PATJ: variants seen among roughly 807,000 people sequenced by gnomAD.
PATJ encodes PATJ crumbs cell polarity complex component, also known as inaD-like protein.
In PATJ, 190 loss-of-function variants were observed where a neutral mutation model predicts 224.9. That is an observed-to-expected ratio of 0.84 (90% CI 0.75 to 0.95). The LOEUF (loss-of-function observed/expected upper bound fraction) is 0.95, where lower values mean the gene tolerates loss of function less well. Among genes scored for constraint, PATJ ranks in the 40% least tolerant of loss-of-function variants. The probability of loss-of-function intolerance (pLI) is 0.00; values close to 1 mark genes in which losing one functional copy is unlikely to be tolerated. For synonymous variants in PATJ, 769 were observed against 820.3 expected (o/e 0.94, Z 1.07); for missense variants, 2,121 against 2,270.3 (o/e 0.93, Z 1.34).
chr1:61,998,254 T>A (rs1393693083), intron 28 of PATJ, among the ~76,000 whole-genome samples: 3 of 151,224 alleles, frequency 2.0e-5, no homozygotes, highest in Non-Finnish European at 2.9e-5. Context: ...TAATTTTTTT[T>A]TGTATTTTTA....
chr1:61,756,134 C>G (rs1267975795), intron 1 of PATJ, among the ~76,000 whole-genome samples: 1 of 152,174 alleles, frequency 6.6e-6, no homozygotes, highest in East Asian at 1.9e-4. Flanking sequence ...TTTACTCTGC[C>G]ATATTGCAGG....
intron 26 of PATJ, among the ~76,000 whole-genome samples, chr1:61,924,828 C>G (rs956957135): frequency 6.6e-6 from 1 of 152,140 alleles, no homozygotes; most frequent in Non-Finnish European, 1.5e-5. Context: ...AGCCATATGT[C>G]AAATGTAGAC....
chr1:61,908,220 A>G, intron 24 of PATJ, 152 bp from the exon 25 acceptor site: 1 of 579,584 alleles, frequency 1.7e-6, no homozygotes, highest in South Asian at 2.2e-5. Context: ...AAAATTGCCA[A>G]GCTTTTTATG....
At chr1:61,765,182 C>T (rs1383056720) in intron 3 of PATJ, among the ~76,000 whole-genome samples, 5 of 140,098 alleles carry the variant, frequency 3.6e-5, no homozygotes, top group African/African-American at 1.3e-4. Context: ...TCAAGCAATC[C>T]TCCCACTTCA....
intron 31 of PATJ, among the ~76,000 whole-genome samples, chr1:62,075,610 T>A (rs1468832712): frequency 1.3e-5 from 2 of 152,074 alleles, no homozygotes; most frequent in Non-Finnish European, 2.9e-5. Context: ...GAAGTGTAAA[T>A]CCTTTCTCTA....
At chr1:61,755,193 C>T (rs1320865435) in intron 1 of PATJ, among the ~76,000 whole-genome samples, 3 of 151,484 alleles carry the variant, frequency 2.0e-5, no homozygotes, top group African/African-American at 2.4e-5. Flanking sequence ...CCTGTAGTCC[C>T]AGCTACTCGG....
intron 29 of PATJ, among the ~76,000 whole-genome samples, chr1:62,037,010 A>T (rs1190904896): frequency 6.6e-6 from 1 of 152,162 alleles, no homozygotes; most frequent in Non-Finnish European, 1.5e-5. Context: ...CTCCTAATCC[A>T]ATTGGTGAAA....
intron 7 of PATJ, among the ~76,000 whole-genome samples, chr1:61,780,117 G>A (rs1225760110): frequency 2.0e-5 from 3 of 152,166 alleles, no homozygotes; most frequent in Non-Finnish European, 4.4e-5. Flanking sequence ...CATCCAAACT[G>A]TAGCAAGTTC....
intron 31 of PATJ, among the ~76,000 whole-genome samples, chr1:62,053,145 A>G (rs186064698): frequency 1.9e-3 from 287 of 152,340 alleles, no homozygotes; most frequent in Admixed American, 3.8e-3. Context: ...GTGTCAAGAC[A>G]GTTGAAGAGG....
chr1:61,993,991 C>T (rs1645211696), intron 28 of PATJ, among the ~76,000 whole-genome samples: 1 of 152,012 alleles, frequency 6.6e-6, no homozygotes, highest in Non-Finnish European at 1.5e-5. Flanking sequence ...ATGGAATGAG[C>T]AAAAAGATTA....
intron 8 of PATJ, among the ~76,000 whole-genome samples, chr1:61,788,695 A>G (rs946321658): frequency 6.6e-6 from 1 of 151,484 alleles, no homozygotes; most frequent in Non-Finnish European, 1.5e-5. Flanking sequence ...TGTTTTTGAG[A>G]TGGAGTTTTG....
At chr1:62,150,151 A>C (rs1180459653) in intron 42 of PATJ, among the ~76,000 whole-genome samples, 2 of 152,176 alleles carry the variant, frequency 1.3e-5, no homozygotes, top group Non-Finnish European at 2.9e-5. Flanking sequence ...GAGTGCTTGT[A>C]AGGCCACAAA....
At chr1:62,128,271 A>G in intron 40 of PATJ, 177 bp downstream of exon 40, 2 of 577,000 alleles carry the variant, frequency 3.5e-6, no homozygotes, top group East Asian at 2.9e-5. Context: ...CCCCAGGCAC[A>G]TAAAAATATT....
At chr1:61,871,078 TG>T (rs372398298) in intron 20 of PATJ, among the ~76,000 whole-genome samples, 13 of 149,666 alleles carry the variant, frequency 8.7e-5, no homozygotes, top group South Asian at 2.1e-4. Flanking sequence ...TTGTTTTTTT[TG>T]TTTTTTTTTT....
chr1:61,792,890 A>G (rs1353423540), intron 9 of PATJ, among the ~76,000 whole-genome samples: 1 of 152,168 alleles, frequency 6.6e-6, no homozygotes, highest in Non-Finnish European at 1.5e-5. Context: ...GGCAGGGAGC[A>G]CATAAATCCA....
chr1:62,051,208 C>A (rs998923588), intron 31 of PATJ, 150 bp downstream of exon 31: 34 of 629,938 alleles, frequency 5.4e-5, no homozygotes, highest in Non-Finnish European at 8.7e-5. Context: ...TAGTGAGTGA[C>A]CCATTGACTC....
chr1:61,891,071 A>T (rs1320660008), intron 22 of PATJ, among the ~76,000 whole-genome samples: 1 of 152,128 alleles, frequency 6.6e-6, no homozygotes, highest in Non-Finnish European at 1.5e-5. Context: ...AATAGGATCA[A>T]ATCACAGTAA....
chr1:61,980,283 T>C (rs1011409438), intron 27 of PATJ, among the ~76,000 whole-genome samples: 9 of 151,776 alleles, frequency 5.9e-5, no homozygotes, highest in African/African-American at 2.2e-4. Flanking sequence ...AGACCCTGTG[T>C]CAAAAAAAAT....
At chr1:61,831,203 AAAG>A (rs1659257530) in intron 16 of PATJ, among the ~76,000 whole-genome samples, 1 of 151,692 alleles carries the variant, frequency 6.6e-6, no homozygotes, top group Non-Finnish European at 1.5e-5. Context: ...AAAAAAAAAA[AAAG>A]TAAAACCTAA....
Sources: allele counts gnomAD v4.1 joint callset (sites outside exome capture counted in the v4.1 genomes callset), GRCh38; gene constraint gnomAD v4.1.1; transcripts MANE v1.5; gene names NCBI Gene and HGNC (gene_info 2026-07-23, HGNC 2026-07-21).